The following SPATA16 variants were observed in gnomAD, a reference collection of about 807,000 sequenced individuals.
The protein encoded by SPATA16 is spermatogenesis associated 16, also known as spermatogenesis-associated protein 16.
SPATA16 carries 36 observed loss-of-function variants against 63.3 expected under a neutral mutation model. The observed-to-expected ratio is 0.57, with a 90% CI of 0.44 to 0.75. The LOEUF (loss-of-function observed/expected upper bound fraction) is 0.75. SPATA16 is among the 30% of genes least tolerant of loss of function. The pLI, the probability that SPATA16 is intolerant of heterozygous loss-of-function variation, is 0.00. For missense variants in SPATA16, 646 were observed against 679.3 expected (o/e 0.95, Z 0.54); for synonymous variants, 203 against 216.7 (o/e 0.94, Z 0.56).
intron 2 of SPATA16, among the ~76,000 whole-genome samples, chr3:173,108,200 A>T (rs1737664182): frequency 6.6e-6 from 1 of 152,130 alleles, no homozygotes; most frequent in Non-Finnish European, 1.5e-5. Flanking sequence ...TCAGAGACAC[A>T]CACTATCTAA....
Position 173,047,282 on chromosome 3 carries a change from A to G in SPATA16, c.758+1667T>C, listed in dbSNP as rs191600035. ...ATAACATTGAATTAATTACATTTTG[A>G]CATGACCATGCCATTTGGAACCCTT... On this transcript the variant is annotated intron_variant, in intron 3 of 10. Transcript: ENST00000351008. 2.2e-3 allele frequency among the ~76,000 whole-genome samples: 332 copies of G among 151,814 alleles called. 1 individual carries two copies. Among genetic ancestry groups the G allele is most frequent in the African/African-American group, 6.9e-3 (285 of 41,474 alleles).
chr3:173,032,774 C>T (rs1735635697), intron 3 of SPATA16, among the ~76,000 whole-genome samples: 1 of 152,136 alleles, frequency 6.6e-6, no homozygotes, highest in Non-Finnish European at 1.5e-5. Flanking sequence ...TTATCCACCG[C>T]AGACTTCTCC....
chr3:173,139,985 A>AAAAC (rs10606462), intron 1 of SPATA16, among the ~76,000 whole-genome samples: 2,417 of 150,430 alleles, frequency 0.016, 60 homozygotes, highest in East Asian at 0.12. Context: ...ACTCTGTCTC[A>AAAAC]AAACAAACAA....
chr3:173,033,281 C>G (rs150134337), intron 3 of SPATA16, among the ~76,000 whole-genome samples: 2 of 152,000 alleles, frequency 1.3e-5, no homozygotes, highest in Admixed American at 1.3e-4. Flanking sequence ...ATAGAGTGAA[C>G]GTGAAATAAA....
chr3:173,127,840 C>T (rs1159408202), intron 1 of SPATA16, among the ~76,000 whole-genome samples: 2 of 152,184 alleles, frequency 1.3e-5, no homozygotes, highest in Non-Finnish European at 2.9e-5. Flanking sequence ...AGACACTTTG[C>T]GACCACGCAA....
At chr3:173,112,445 G>T (rs1737772217) in intron 2 of SPATA16, among the ~76,000 whole-genome samples, 1 of 152,158 alleles carries the variant, frequency 6.6e-6, no homozygotes, top group African/African-American at 2.4e-5. Flanking sequence ...AGTAGCAGAG[G>T]CACACTGGTG....
Position 173,134,263 on chromosome 3 carries a change from C to G in SPATA16, c.-19+6840G>C, listed in dbSNP as rs868399401. On this transcript the variant is annotated intron_variant, in intron 1 of 10. Transcript: ENST00000351008. ...CCCCTAAAAGTTCATGTGTTGGAAG[C>G]CTGATTTTCACCTTGATGCAGCAGT... 2.8e-4 allele frequency among the ~76,000 whole-genome samples: 42 copies of G among 152,184 alleles called. No homozygotes were observed. The Middle Eastern group carries it at 0.01, about 37-fold the overall frequency.
chr3:172,975,961 G>A (rs1259481279), intron 5 of SPATA16, among the ~76,000 whole-genome samples: 2 of 151,986 alleles, frequency 1.3e-5, no homozygotes, highest in Non-Finnish European at 2.9e-5. Context: ...GCTTCAGAAG[G>A]CTGTTGATGA....
At chr3:173,054,108 A>G (rs1002048260) in intron 2 of SPATA16, among the ~76,000 whole-genome samples, 1 of 152,014 alleles carries the variant, frequency 6.6e-6, no homozygotes, top group African/African-American at 2.4e-5. Context: ...ACATGTTACA[A>G]TTATAGTTGA....
intron 10 of SPATA16, among the ~76,000 whole-genome samples, chr3:172,892,160 C>G (rs1394941520): frequency 2.0e-5 from 3 of 152,174 alleles, no homozygotes; most frequent in Non-Finnish European, 2.9e-5. Flanking sequence ...ATTACTTTCT[C>G]TTGCCACCAT....
chr3:172,943,152 A>G (rs1177299888), intron 6 of SPATA16, among the ~76,000 whole-genome samples: 3 of 152,196 alleles, frequency 2.0e-5, no homozygotes, highest in Non-Finnish European at 4.4e-5. Context: ...AGGACATAAA[A>G]GAAATAATAA....
intron 2 of SPATA16, among the ~76,000 whole-genome samples, chr3:173,093,326 G>A (rs1354976439): frequency 6.6e-6 from 1 of 151,990 alleles, no homozygotes; most frequent in African/African-American, 2.4e-5. Context: ...AAAATTGTGG[G>A]AAGCACAGCT....
chr3:173,046,280 A>AT (rs1432371854), intron 3 of SPATA16, among the ~76,000 whole-genome samples: 3 of 152,154 alleles, frequency 2.0e-5, no homozygotes, highest in African/African-American at 7.2e-5. Flanking sequence ...ATACTTATAT[A>AT]TGCCACTTCG....
chr3:173,054,208 G>A (rs894642682), intron 2 of SPATA16, among the ~76,000 whole-genome samples: 1 of 151,876 alleles, frequency 6.6e-6, no homozygotes, highest in Non-Finnish European at 1.5e-5. Flanking sequence ...CAACCAACAG[G>A]ATGTAACTGA....
intron 2 of SPATA16, among the ~76,000 whole-genome samples, chr3:173,068,568 A>C (rs2108305274): frequency 6.6e-6 from 1 of 152,300 alleles, no homozygotes; most frequent in South Asian, 2.1e-4. Flanking sequence ...AATGGAAATT[A>C]AACAATATGC....
Position 172,988,295 on chromosome 3 carries a change from A to C in SPATA16, c.849-11243T>G, listed in dbSNP as rs544926810. 2.8e-4 allele frequency among the ~76,000 whole-genome samples: 43 copies of C among 152,348 alleles called. 2 individuals are homozygous for C. The South Asian group carries it at 8.5e-3, about 30-fold the overall frequency. ...TGTTTTGCCAATGAAATAAAACTAA[A>C]TAAAAGGGTAAAGTGACGTAAAACA... On this transcript the variant is annotated intron_variant, in intron 4 of 10. Transcript: ENST00000351008.
intron 2 of SPATA16, among the ~76,000 whole-genome samples, chr3:173,052,323 A>C (rs1736119561): frequency 6.6e-6 from 1 of 152,166 alleles, no homozygotes; most frequent in Non-Finnish European, 1.5e-5. Flanking sequence ...CACACTAATG[A>C]GAATACTTCA....
At chr3:173,111,964 A>G (rs2108332417) in intron 2 of SPATA16, among the ~76,000 whole-genome samples, 1 of 152,330 alleles carries the variant, frequency 6.6e-6, no homozygotes, top group Admixed American at 6.5e-5. Context: ...ACTGTTTTTA[A>G]AATATCCTTC....
intron 5 of SPATA16, among the ~76,000 whole-genome samples, chr3:172,966,112 A>G (rs993175853): frequency 6.6e-6 from 1 of 152,188 alleles, no homozygotes; most frequent in African/African-American, 2.4e-5. Flanking sequence ...TAATATATAG[A>G]TCCACATACA....
Sources: allele counts gnomAD v4.1 joint callset (sites outside exome capture counted in the v4.1 genomes callset), GRCh38; gene constraint gnomAD v4.1.1; transcripts MANE v1.5; gene names NCBI Gene and HGNC (gene_info 2026-07-23, HGNC 2026-07-21).